The following TENM3 variants were observed in gnomAD, a reference collection of about 807,000 sequenced individuals.
The protein encoded by TENM3 is teneurin transmembrane protein 3.
A neutral mutation model predicts 255.1 loss-of-function variants in TENM3; 63 were observed. The ratio of observed to expected loss-of-function variants is 0.25; its 90% CI spans 0.20 to 0.30. The LOEUF is 0.30. Ranked by LOEUF, TENM3 falls within the 10% of genes least tolerant of loss-of-function variation. The probability of loss-of-function intolerance (pLI) is 1.00; values close to 1 mark genes in which losing one functional copy is unlikely to be tolerated. For missense variants in TENM3, 2,929 were observed against 3,461.1 expected (o/e 0.85, Z 3.86); for synonymous variants, 1,306 against 1,322.3 (o/e 0.99, Z 0.27).
chr4:182,762,588 A>C (rs1218018942), intron 22 of TENM3, among the ~76,000 whole-genome samples: 1 of 152,224 alleles, frequency 6.6e-6, no homozygotes, highest in African/African-American at 2.4e-5. Flanking sequence ...CAATAAAATA[A>C]AAGCAATGCC....
the TENM3 span, among the ~76,000 whole-genome samples, chr4:182,122,352 A>G: frequency 7.9e-5 from 12 of 152,254 alleles, no homozygotes; most frequent in South Asian, 4.1e-4. Flanking sequence ...GTCCAGATCC[A>G]TCAGAGAATA....
At chr4:182,197,676 T>C (rs1261273407) in intron 1 of TENM3, among the ~76,000 whole-genome samples, 4 of 152,216 alleles carry the variant, frequency 2.6e-5, no homozygotes, top group Non-Finnish European at 4.4e-5. Context: ...ATAGTGACAA[T>C]AACTTTAGTT....
chr4:182,754,133 A>G lies in TENM3; in HGVS notation c.4018-252A>G, dbSNP rs966589126. On this transcript the variant is annotated intron_variant, in intron 21 of 27. Transcript: ENST00000511685. The surrounding 1 kb of genome is among the most constrained non-coding windows in gnomAD (Gnocchi z 5.1). ...ATCGATATCTGTTGACTCACTACGT[A>G]GAGGCCTATTTGCTATTTGCCTGTA... Among the ~76,000 whole-genome samples, 3 of 152,224 alleles carry G rather than the reference A, an allele frequency of 2.0e-5. No individual in the cohort carries two copies. Among genetic ancestry groups the G allele is most frequent in the Non-Finnish European group, 2.9e-5 (2 of 68,044 alleles).
the TENM3 span, among the ~76,000 whole-genome samples, chr4:181,560,577 A>G: frequency 6.6e-6 from 1 of 152,082 alleles, no homozygotes; most frequent in Non-Finnish European, 1.5e-5. Flanking sequence ...GTATGTCTAC[A>G]ACACACACTC....
chr4:182,314,026 G>A (rs140474394), intron 1 of TENM3, among the ~76,000 whole-genome samples: 5 of 152,224 alleles, frequency 3.3e-5, no homozygotes, highest in South Asian at 2.1e-4. Flanking sequence ...AAGAGGGCAC[G>A]GGCTGGCTGG....
chr4:182,183,784 A>G, intron 1 of TENM3, among the ~76,000 whole-genome samples: 1 of 152,304 alleles, frequency 6.6e-6, no homozygotes, highest in East Asian at 1.9e-4. Context: ...TACCACACGT[A>G]CTTATTTTAC....
intron 3 of TENM3, among the ~76,000 whole-genome samples, chr4:182,392,906 AAG>A (rs1184299833): frequency 1.8e-4 from 27 of 152,322 alleles, no homozygotes; most frequent in African/African-American, 6.5e-4. Context: ...TGCAAAATTG[AAG>A]AGATAAGAAC....
chr4:182,769,223 A>G (rs1020177367), intron 22 of TENM3, among the ~76,000 whole-genome samples: 1 of 152,114 alleles, frequency 6.6e-6, no homozygotes, highest in African/African-American at 2.4e-5. Flanking sequence ...TCGTGGGTGC[A>G]TTGGTTTTCT....
the TENM3 span, among the ~76,000 whole-genome samples, chr4:181,773,212 T>C: frequency 6.6e-6 from 1 of 152,166 alleles, no homozygotes; most frequent in Non-Finnish European, 1.5e-5. Flanking sequence ...CAGGGAGTTT[T>C]TCCTTTTTTG....
chr4:182,597,855 T>C (rs1747418615), intron 3 of TENM3, among the ~76,000 whole-genome samples: 1 of 152,208 alleles, frequency 6.6e-6, no homozygotes, highest in Admixed American at 6.5e-5. Flanking sequence ...CCCCGGATTT[T>C]GCTCCTGTTT....
At chr4:182,317,934 A>G (rs961233442) in intron 1 of TENM3, among the ~76,000 whole-genome samples, 8 of 152,206 alleles carry the variant, frequency 5.3e-5, no homozygotes, top group Non-Finnish European at 8.8e-5. Flanking sequence ...AATCATAAAT[A>G]CTAACATTAG....
At chr4:182,784,646 C>T (rs2152816782) in intron 24 of TENM3, among the ~76,000 whole-genome samples, 1 of 151,374 alleles carries the variant, frequency 6.6e-6, no homozygotes, top group Non-Finnish European at 1.5e-5. Flanking sequence ...GGCGCCCCTC[C>T]CCAAGCCTCG....
At position 182,793,678 on chromosome 4, in the gene TENM3, A is replaced by T. The variant is rs776456685; in HGVS notation, c.7006A>T (p.Ile2336Phe). The change falls in exon 26 of 28, where the codon ATT becomes TTT. Residue 2336 changes from isoleucine to phenylalanine, a missense_variant. Ile to Phe is a conservative substitution (Grantham distance 21). Coordinates refer to ENST00000511685, the MANE Select transcript of TENM3 (RefSeq NM_001080477.4). The surrounding 1 kb of genome is among the most constrained non-coding windows in gnomAD (Gnocchi z 5.7). ...FDSNIDFQLV[I>F]GFHGGLYDPL... ...CTCTAATATTGACTTTCAACTGGTA[A>T]TTGGATTTCATGGTGGCCTGTATGA... 1.2e-6 allele frequency: 2 copies of T among 1,614,014 alleles called. No individual in the cohort carries two copies. Among genetic ancestry groups the T allele is most frequent in the Admixed American group, 1.7e-5 (1 of 60,032 alleles).
At chr4:181,787,005 G>A in the TENM3 span, among the ~76,000 whole-genome samples, 2 of 152,234 alleles carry the variant, frequency 1.3e-5, no homozygotes, top group Non-Finnish European at 1.5e-5. Context: ...TCTTTGCCCT[G>A]TGGCACTCTC....
intron 1 of TENM3, among the ~76,000 whole-genome samples, chr4:182,244,077 C>T (rs898027271): frequency 2.0e-5 from 3 of 151,416 alleles, no homozygotes; most frequent in African/African-American, 7.3e-5. Context: ...CCTCAGCCTC[C>T]CGAGTAGCTG....
intron 12 of TENM3, among the ~76,000 whole-genome samples, chr4:182,701,788 T>A (rs1455239573): frequency 6.6e-6 from 1 of 152,214 alleles, no homozygotes; most frequent in East Asian, 1.9e-4. Flanking sequence ...CCACAGCTAC[T>A]AGAAAGGATT....
chr4:182,527,414 C>A (rs776581237), intron 3 of TENM3, among the ~76,000 whole-genome samples: 1 of 150,818 alleles, frequency 6.6e-6, no homozygotes, highest in Non-Finnish European at 1.5e-5. Context: ...AGGAAAGGCT[C>A]GTGATTGTGT....
At chr4:182,337,276 C>T (rs1764203827) in intron 2 of TENM3, among the ~76,000 whole-genome samples, 1 of 152,140 alleles carries the variant, frequency 6.6e-6, no homozygotes, top group Non-Finnish European at 1.5e-5. Flanking sequence ...AATCCACAAT[C>T]TGGGAGAAAA....
chr4:181,749,410 C>T, the TENM3 span, among the ~76,000 whole-genome samples: 1 of 152,056 alleles, frequency 6.6e-6, no homozygotes, highest in East Asian at 1.9e-4. Flanking sequence ...TTTGAAGGTC[C>T]TCTTTTGTAA....
Sources: gnomAD v4.1 joint callset for allele counts (sites outside exome capture counted in the v4.1 genomes callset) on GRCh38, gnomAD v4.1.1 for gene constraint, Gnocchi (gnomAD v3.1) non-coding constraint, MANE v1.5 for transcripts, NCBI Gene and HGNC (gene_info 2026-07-23, HGNC 2026-07-21) for gene names.